The following PIPOX variants were observed in gnomAD, a reference collection of about 807,000 sequenced individuals.
PIPOX encodes the protein pipecolic acid and sarcosine oxidase.
A neutral mutation model predicts 47.9 loss-of-function variants in PIPOX; 45 were observed. The ratio of observed to expected loss-of-function variants is 0.94; its 90% CI spans 0.74 to 1.20. The LOEUF is 1.20. Ranked by LOEUF, PIPOX falls within the 50% of genes most tolerant of loss-of-function variation. The probability of loss-of-function intolerance (pLI) is 0.00; values close to 1 mark genes in which losing one functional copy is unlikely to be tolerated. For synonymous variants in PIPOX, 165 were observed against 191.3 expected, an observed-to-expected ratio of 0.86 and a Z score of 1.13; for missense variants, 458 against 498.4, an observed-to-expected ratio of 0.92 and a Z score of 0.77.
chr17:29,050,263 TCAGGGATTTC>T (rs2065800837), intron 2 of PIPOX, among the ~76,000 whole-genome samples: 1 of 152,180 alleles, frequency 6.6e-6, no homozygotes, highest in Non-Finnish European at 1.5e-5. Context: ...AATTTCCAGG[TCAGGGATTTC>T]ACATTACATC....
intron 1 of PIPOX, chr17:29,044,365 G>T (rs2065777040): frequency 2.0e-5 from 3 of 152,328 alleles, no homozygotes; most frequent in African/African-American, 7.2e-5. Context: ...ACTTCTGGAT[G>T]TGAACAACGT....
intron 2 of PIPOX, 142 bp downstream of exon 2, chr17:29,045,149 G>A: frequency 1.0e-6 from 1 of 961,378 alleles, no homozygotes. Context: ...GCATGGAAGA[G>A]TTCTGCTGTC....
At chr17:29,046,589 C>T in intron 2 of PIPOX, 1 of 985,342 alleles carries the variant, frequency 1.0e-6, no homozygotes, top group South Asian at 4.7e-5. Context: ...CATTCTGGGT[C>T]AGCTGCATTC....
At chr17:29,049,004 C>T (rs1326234335) in intron 2 of PIPOX, among the ~76,000 whole-genome samples, 4 of 152,152 alleles carry the variant, frequency 2.6e-5, no homozygotes, top group South Asian at 4.1e-4. Context: ...AATTCCTCCC[C>T]ACTCCATCCT....
chr17:29,056,093 C>CTA, intron 7 of PIPOX, 82 bp from the exon 8 acceptor site: 1 of 1,555,646 alleles, frequency 6.4e-7, no homozygotes, highest in Non-Finnish European at 8.8e-7. Context: ...GACAGTCAGC[C>CTA]CTGTCTGGGT....
Position 29,043,145 on chromosome 17 carries a change from T to C in PIPOX, c.-81T>C. ...ACACTGGCCAGGCTGGACTTTGCCT[T>C]CCTCCTCGTCCTTTAGCCGGGAGCC... On this transcript the variant is annotated 5_prime_UTR_variant, in exon 1 of 8. Coordinates refer to ENST00000323372, the MANE Select transcript of PIPOX (RefSeq NM_016518.3). 1 of 1,101,816 alleles carries C rather than the reference T, an allele frequency of 9.1e-7. No homozygotes were observed. The highest frequency in any genetic ancestry group is 1.3e-6 in the Non-Finnish European group (1 of 745,874). The allele number at this position is 1,101,816 out of a possible 1,614,324, so 68.3% of individuals were successfully genotyped here. A position where few individuals can be genotyped will look rare whatever the true frequency, so the allele number is the denominator to read the frequency against.
At position 29,056,645 on chromosome 17, in the gene PIPOX, G is replaced by A; in HGVS notation, c.*340G>A. The A allele has an allele frequency of 3.6e-6, 1 of 280,024 alleles. No homozygotes were observed. The highest frequency in any genetic ancestry group is 6.7e-6 in the Non-Finnish European group (1 of 149,368). The allele number at this position is 280,024 out of a possible 1,614,324, so 17.3% of individuals were successfully genotyped here. On this transcript the variant is annotated 3_prime_UTR_variant, in exon 8 of 8. Transcript: ENST00000323372. ...TGAGATGGGTATATCAGTAAGAAGA[G>A]GGCACAAGAACTGGCTCTGGAGACC...
intron 2 of PIPOX, 46 bp from the exon 3 acceptor site, chr17:29,052,874 A>C: frequency 6.4e-7 from 1 of 1,563,502 alleles, no homozygotes. Flanking sequence ...CATCAGGCCC[A>C]GGATTTTGAA....
chr17:29,044,966 A>T lies in PIPOX; in HGVS notation c.222A>T (p.Ile74=). ...GGATGATGCATGAGTGCTATCAGAT[A>T]TGGGCCCAGCTGGAGCACGAGGCTG... ...YTRMMHECYQ[I]WAQLEHEAGT... Residue 74 remains isoleucine (I), a synonymous_variant, in exon 2 of 8, where the codon ATA becomes ATT. Transcript: ENST00000323372. 1 of 1,613,380 alleles carries T rather than the reference A, an allele frequency of 6.2e-7. No individual in the cohort carries two copies. Among genetic ancestry groups the T allele is most frequent in the Non-Finnish European group, 8.5e-7 (1 of 1,179,708 alleles).
At chr17:29,047,690 T>TA (rs5819860) in intron 2 of PIPOX, among the ~76,000 whole-genome samples, 41,362 of 151,804 alleles carry the variant, frequency 0.27, 6,539 homozygotes, top group African/African-American at 0.45. Flanking sequence ...TTCTTTGGAT[T>TA]AAAAAAAATC....
chr17:29,053,211 C>G (rs564042772), intron 3 of PIPOX, 78 bp downstream of exon 3: 19 of 1,417,804 alleles, frequency 1.3e-5, no homozygotes, highest in Non-Finnish European at 1.8e-5. Context: ...CAGCCCAAGA[C>G]CCCCCTCTGG....
intron 2 of PIPOX, among the ~76,000 whole-genome samples, chr17:29,047,921 C>T (rs2065791676): frequency 6.6e-6 from 1 of 152,184 alleles, no homozygotes; most frequent in Admixed American, 6.5e-5. Context: ...TATCACAGCC[C>T]TTCTTAAAAG....
At position 29,055,997 on chromosome 17, in the gene PIPOX, A is replaced by G. The variant is rs1883218590; in HGVS notation, c.1042+109A>G. ...CTGCCCAGATAGGTGTGAAGCCTGG[A>G]CATTGTAGGTATAAGGAGGCTGGGC... On this transcript the variant is annotated intron_variant, in intron 7 of 7. Transcript: ENST00000323372. 5.4e-6 allele frequency: 7 copies of G among 1,286,534 alleles called. No homozygotes were observed. In the South Asian group the frequency reaches 8.4e-5, roughly 15 times the overall value. The allele number at this position is 1,286,534 out of a possible 1,614,324, so 79.7% of individuals were successfully genotyped here.
chr17:29,045,914 C>T (rs1019265329), intron 2 of PIPOX, among the ~76,000 whole-genome samples: 5 of 152,132 alleles, frequency 3.3e-5, no homozygotes, highest in African/African-American at 1.2e-4. Context: ...CAACCCTTGA[C>T]CTTTCAAACA....
intron 2 of PIPOX, chr17:29,051,929 G>T (rs1190681155): frequency 2.1e-6 from 1 of 470,156 alleles, no homozygotes; most frequent in Non-Finnish European, 4.4e-6. Context: ...TGGGTGGGCG[G>T]GTGAGTGGGC....
intron 1 of PIPOX, among the ~76,000 whole-genome samples, chr17:29,044,617 G>A (rs977244287): frequency 3.9e-5 from 6 of 152,146 alleles, no homozygotes; most frequent in Admixed American, 1.3e-4. Context: ...GGGACTACAA[G>A]TGCCACCACA....
chr17:29,045,023 A>G lies in PIPOX; in HGVS notation c.263+16A>G, dbSNP rs773937249. ...AATTGCACAGGTGGGCTGTGGGAGG[A>G]ATTCCTTGAATCGTGGGGCTCTGCA... On this transcript the variant is annotated intron_variant, in intron 2 of 7. Coordinates refer to ENST00000323372, the MANE Select transcript of PIPOX (RefSeq NM_016518.3). The G allele has an allele frequency of 6.3e-7, 1 of 1,577,596 alleles. No homozygotes were observed. The highest frequency in any genetic ancestry group is 1.8e-5 in the Admixed American group (1 of 54,390).
rs17856772 is a variant in PIPOX, at chr17:29,053,437, A to G, written c.502A>G (p.Ile168Val). 6.2e-7 allele frequency: 1 copy of G among 1,613,438 alleles called. No homozygotes were observed. The highest frequency in any genetic ancestry group is 1.1e-5 in the South Asian group (1 of 91,016). ...LQDAIRQLGGIVRDGEKVVEI... is the reference protein window; with the variant it reads ...LQDAIRQLGGVVRDGEKVVEI... The stretch of plus-strand genomic sequence containing the variant: ...GGATGCAATTCGACAGCTAGGAGGC[A>G]TAGTGCGTGACGGAGAGAAGGTGGT... Residue 168 changes from isoleucine to valine, a missense_variant, in exon 4 of 8, where the codon ATA becomes GTA. Ile to Val is a conservative substitution (Grantham distance 29). Coordinates refer to ENST00000323372, the MANE Select transcript of PIPOX (RefSeq NM_016518.3).
At chr17:29,055,605 G>A (rs2065824538) in intron 6 of PIPOX, among the ~76,000 whole-genome samples, 1 of 152,218 alleles carries the variant, frequency 6.6e-6, no homozygotes, top group Non-Finnish European at 1.5e-5. Context: ...CACCTACTGT[G>A]TTCGTAGCTC....
Sources: allele counts gnomAD v4.1 joint callset (sites outside exome capture counted in the v4.1 genomes callset), GRCh38; gene constraint gnomAD v4.1.1; transcripts MANE v1.5; gene names NCBI Gene and HGNC (gene_info 2026-07-23, HGNC 2026-07-21).